The following FOXR1 variants were observed in gnomAD, a reference collection of about 807,000 sequenced individuals.
FOXR1 encodes forkhead box R1, also known as forkhead box protein R1.
FOXR1 carries 25 observed loss-of-function variants against 34.5 expected under a neutral mutation model. That is an observed-to-expected ratio of 0.72 (90% CI 0.53 to 1.01). The LOEUF is 1.01. Ranked by LOEUF, FOXR1 falls within the 50% of genes least tolerant of loss-of-function variation. The pLI is 0.00. For missense variants in FOXR1, 373 were observed against 376.2 expected, an observed-to-expected ratio of 0.99 and a Z score of 0.07; for synonymous variants, 153 against 141.6, an observed-to-expected ratio of 1.08 and a Z score of -0.57.
At chr11:118,979,325 A>G in intron 3 of FOXR1, 117 bp from the exon 4 acceptor site, 2 of 1,489,178 alleles carry the variant, frequency 1.3e-6, no homozygotes, top group Non-Finnish European at 1.8e-6. Context: ...AATTACCTAC[A>G]TGCTTGGGTT....
rs1941843100 is a variant in FOXR1 at position 118,980,517 on chromosome 11, C to T, written c.639C>T (p.Ala213=). The T allele has an allele frequency of 1.2e-6, 2 of 1,614,090 alleles. No individual in the cohort carries two copies. Among genetic ancestry groups the T allele is most frequent in the African/African-American group, 2.7e-5 (2 of 74,950 alleles). The change falls in exon 5 of 6, where the codon GCC becomes GCT. Residue 213 remains alanine, a synonymous_variant. Transcript: ENST00000317011. ...AGCACTTCCCCTTTTTCCGGACGGC[C>T]CCGGAAGGCTGGAAGAATACTGTCC... ...TRKHFPFFRT[A]PEGWKNTVRH...
rs782458567 is a variant in FOXR1, at chr11:118,979,045, G to C, written c.225G>C (p.Lys75Asn). Residue 75 changes from lysine (K) to asparagine (N), a missense_variant, in exon 3 of 6, where the codon AAG (lysine) becomes AAC (asparagine). Physicochemically the swap from Lys to Asn is moderately conservative, Grantham distance 94 (BLOSUM62 0). Coordinates refer to ENST00000317011, the MANE Select transcript of FOXR1 (RefSeq NM_181721.3). ...PGKLEVSGRR[K>N]REDLTSTLPS... is the part of the protein sequence containing the mutation. Reference sequence around the variant, plus strand: ...AGCTGGAGGTCTCAGGACGTAGGAAGAGGGAGGACCTGACAAGCACACTCC... The same window carrying C: ...AGCTGGAGGTCTCAGGACGTAGGAACAGGGAGGACCTGACAAGCACACTCC... The C allele has an allele frequency of 2.0e-5, 32 of 1,603,340 alleles. No homozygotes were observed. The highest frequency in any genetic ancestry group is 2.6e-5 in the Non-Finnish European group (31 of 1,175,182).
Position 118,971,974 on chromosome 11 carries a change from C to G in FOXR1, c.43C>G (p.Pro15Ala). Residue 15 changes from proline (P) to alanine (A), a missense_variant, in exon 1 of 6, where the codon CCC becomes GCC. Transcript: ENST00000317011. ...LFLAFTTSHL[P>A]LAEQKLARYK... ...TCTGGCCTTCACCACATCTCACCTC[C>G]CCTTAGCGGAGCAGAAACGTGAGTA... 1.3e-6 allele frequency: 2 copies of G among 1,552,184 alleles called. No individual in the cohort carries two copies. The highest frequency in any genetic ancestry group is 1.7e-6 in the Non-Finnish European group (2 of 1,147,154).
chr11:118,980,602 G>T lies in FOXR1; in HGVS notation c.724G>T (p.Ala242Ser). Residue 242 changes from alanine (A) to serine (S), a missense_variant, in exon 5 of 6, where the codon GCC (alanine) becomes TCC (serine). Transcript: ENST00000317011. ...AGTGCCTGTCAGCATGCAGGGCGGGGCCAGCACACGGCCTCGATCTTGCCT... is the reference window on the plus strand; with the variant it reads ...AGTGCCTGTCAGCATGCAGGGCGGGTCCAGCACACGGCCTCGATCTTGCCT... ...EKVPVSMQGG[A>S]STRPRSCLWK... 1 of 1,614,272 alleles carries T rather than the reference G, an allele frequency of 6.2e-7. No homozygotes were observed. The highest frequency in any genetic ancestry group is 2.2e-5 in the East Asian group (1 of 44,888).
intron 1 of FOXR1, among the ~76,000 whole-genome samples, chr11:118,972,787 T>G (rs991724441): frequency 6.6e-6 from 1 of 152,080 alleles, no homozygotes; most frequent in African/African-American, 2.4e-5. Context: ...CACGCCCTGT[T>G]AATTTTTTTT....
intron 1 of FOXR1, among the ~76,000 whole-genome samples, chr11:118,974,422 CT>C: frequency 6.6e-6 from 1 of 152,274 alleles, no homozygotes; most frequent in East Asian, 1.9e-4. Flanking sequence ...CCAGGCTGGT[CT>C]TGAACTCCTG....
intron 3 of FOXR1, 25 bp from the exon 4 acceptor site, chr11:118,979,417 C>A: frequency 6.4e-7 from 1 of 1,563,416 alleles, no homozygotes. Context: ...GAGTCAGGAC[C>A]AGTTCCTACT....
chr11:118,972,073 G>A lies in FOXR1; in HGVS notation c.61+81G>A, dbSNP rs886208433. ...GGCTCGCGGGACCCCGGGGCAGACG[G>A]CTCCCCAGCCTTCGCCCCCACCTCC... On this transcript the variant is annotated intron_variant, in intron 1 of 5. Coordinates refer to ENST00000317011, the MANE Select transcript of FOXR1 (RefSeq NM_181721.3). 3.0e-4 allele frequency: 402 copies of A among 1,320,174 alleles called. 1 individual carries two copies. Among genetic ancestry groups the A allele is most frequent in the Non-Finnish European group, 3.8e-4 (372 of 966,266 alleles). The allele number at this position is 1,320,174 out of a possible 1,614,324, so 81.8% of individuals were successfully genotyped here. A position where few individuals can be genotyped will look rare whatever the true frequency, so the allele number is the denominator to read the frequency against.
intron 1 of FOXR1, among the ~76,000 whole-genome samples, chr11:118,974,361 C>T (rs2134480047): frequency 6.6e-6 from 1 of 152,324 alleles, no homozygotes; most frequent in East Asian, 1.9e-4. Context: ...CAGGCCACCA[C>T]ACTGGCTAAC....
At position 118,979,211 on chromosome 11, in the gene FOXR1, A is replaced by AT; in HGVS notation, c.384+12dup. The AT allele has an allele frequency of 6.6e-7, 1 of 1,516,608 alleles. No individual in the cohort carries two copies. The highest frequency in any genetic ancestry group is 2.1e-4 in the Middle Eastern group (1 of 4,712). The allele number at this position is 1,516,608 out of a possible 1,614,324, so 93.9% of individuals were successfully genotyped here. A position where few individuals can be genotyped will look rare whatever the true frequency, so the allele number is the denominator to read the frequency against. On this transcript the variant is annotated splice_region_variant and intron_variant, in intron 3 of 5. Transcript: ENST00000317011. ...TTCCCCCAGCACCTGGGAGGTATGC[A>AT]TTTTTGGGGATGGGAGTGGGACTTG...
At chr11:118,980,873 C>T in intron 5 of FOXR1, 145 bp downstream of exon 5, 1 of 846,014 alleles carries the variant, frequency 1.2e-6, no homozygotes, top group Non-Finnish European at 1.8e-6. Context: ...TGATCTGAGA[C>T]CCTCAGGTGA....
chr11:118,979,545 C>T lies in FOXR1; in HGVS notation c.488C>T (p.Ala163Val). Reference protein sequence around the residue: ...APLQSRRLRQASSQAGRLWSR... With the variant: ...APLQSRRLRQVSSQAGRLWSR... ...CTCCAGAGTCGGAGGCTTCGGCAAG[C>T]CAGCAGCCAGGCGGGGAGGCTCTGG... The change falls in exon 4 of 6, where the codon GCC (alanine) becomes GTC (valine). Residue 163 changes from alanine (A) to valine (V), a missense_variant. By Grantham distance (64) the Ala-to-Val change is moderately conservative (BLOSUM62 0). Transcript: ENST00000317011. 6.2e-7 allele frequency: 1 copy of T among 1,613,626 alleles called. No homozygotes were observed. The highest frequency in any genetic ancestry group is 8.5e-7 in the Non-Finnish European group (1 of 1,179,762).
At chr11:118,980,800 A>G (rs1238018546) in intron 5 of FOXR1, 72 bp downstream of exon 5, 5 of 1,425,412 alleles carry the variant, frequency 3.5e-6, no homozygotes, top group Non-Finnish European at 4.8e-6. Context: ...CAAGTGTGGA[A>G]GCCTGGGTCA....
At chr11:118,978,911 A>G (rs1290413495) in intron 2 of FOXR1, 46 bp from the exon 3 acceptor site, 1 of 1,613,942 alleles carries the variant, frequency 6.2e-7, no homozygotes. Context: ...GACCAGGGGC[A>G]CCCAAAGCCA....
At chr11:118,979,233 C>T (rs782374108) in intron 3 of FOXR1, 29 bp downstream of exon 3, 2 of 1,511,232 alleles carry the variant, frequency 1.3e-6, no homozygotes, top group Non-Finnish European at 1.8e-6. Flanking sequence ...GGGAGTGGGA[C>T]TTGGGCAGTA....
chr11:118,974,087 C>G (rs1941750304), intron 1 of FOXR1, among the ~76,000 whole-genome samples: 1 of 152,060 alleles, frequency 6.6e-6, no homozygotes, highest in African/African-American at 2.4e-5. Context: ...GTGGAGTGAG[C>G]CCAGAGGATA....
intron 4 of FOXR1, 45 bp from the exon 5 acceptor site, chr11:118,980,445 C>T: frequency 1.3e-6 from 2 of 1,599,226 alleles, no homozygotes; most frequent in African/African-American, 1.3e-5. Context: ...AAGGGCATTC[C>T]CCAGACATAA....
At chr11:118,981,148 C>T in intron 5 of FOXR1, 60 bp from the exon 6 acceptor site, 1 of 1,559,378 alleles carries the variant, frequency 6.4e-7, no homozygotes, top group Non-Finnish European at 8.8e-7. Context: ...GAGAGCATCC[C>T]AGGCCTAGGA....
chr11:118,973,733 G>A (rs1028297146), intron 1 of FOXR1, among the ~76,000 whole-genome samples: 6 of 134,590 alleles, frequency 4.5e-5, no homozygotes, highest in Non-Finnish European at 9.3e-5. Context: ...TCACTCTGTC[G>A]CCCAGGCTGG....
Sources: gnomAD v4.1 joint callset for allele counts (sites outside exome capture counted in the v4.1 genomes callset) on GRCh38, gnomAD v4.1.1 for gene constraint, MANE v1.5 for transcripts, NCBI Gene and HGNC (gene_info 2026-07-23, HGNC 2026-07-21) for gene names.